Variants in AUTS2 observed in about 807,000 individuals in gnomAD.
AUTS2 encodes activator of transcription and developmental regulator AUTS2.
In AUTS2, 17 loss-of-function variants were observed where a neutral mutation model predicts 112.4. The ratio of observed to expected loss-of-function variants is 0.15; its 90% CI spans 0.10 to 0.23. The LOEUF is 0.23. AUTS2 is among the 10% of genes least tolerant of loss of function. The pLI is 1.00. For synonymous variants in AUTS2, 751 were observed against 702.7 expected, an observed-to-expected ratio of 1.07 and a Z score of -1.09; for missense variants, 1,510 against 1,701.6, an observed-to-expected ratio of 0.89 and a Z score of 1.98.
At chr7:70,458,589 A>G (rs1472849838) in intron 5 of AUTS2, among the ~76,000 whole-genome samples, 1 of 151,858 alleles carries the variant, frequency 6.6e-6, no homozygotes, top group East Asian at 1.9e-4. Flanking sequence ...TCTTTTTTTG[A>G]TCCTTAAACA....
chr7:70,065,882 G>GT (rs1311643298), intron 2 of AUTS2, among the ~76,000 whole-genome samples: 2 of 151,828 alleles, frequency 1.3e-5, no homozygotes, highest in African/African-American at 2.4e-5. Context: ...TTTAATAACA[G>GT]TTTTTTTTAG....
intron 1 of AUTS2, among the ~76,000 whole-genome samples, chr7:69,878,442 A>G (rs1404974327): frequency 6.6e-6 from 1 of 152,196 alleles, no homozygotes; most frequent in African/African-American, 2.4e-5. Context: ...TCCAGGGTCA[A>G]AGCTAATCTT....
intron 2 of AUTS2, among the ~76,000 whole-genome samples, chr7:70,113,195 A>G (rs1450754544): frequency 6.6e-6 from 1 of 152,104 alleles, no homozygotes. Flanking sequence ...GATACAATAT[A>G]GTTTTCTTTT....
intron 1 of AUTS2, among the ~76,000 whole-genome samples, chr7:69,894,528 G>A (rs1381091801): frequency 4.6e-5 from 7 of 152,058 alleles, no homozygotes; most frequent in East Asian, 1.9e-4. Context: ...CAGAGTGGCC[G>A]TTGTGGAAAA....
At chr7:69,902,729 C>A (rs920447241) in intron 2 of AUTS2, among the ~76,000 whole-genome samples, 3 of 152,112 alleles carry the variant, frequency 2.0e-5, no homozygotes, top group African/African-American at 7.2e-5. Context: ...ATGTATAGTT[C>A]TAAAACCAAA....
At chr7:70,043,839 T>C (rs1319090310) in intron 2 of AUTS2, among the ~76,000 whole-genome samples, 1 of 151,892 alleles carries the variant, frequency 6.6e-6, no homozygotes, top group East Asian at 1.9e-4. Context: ...GGACTCCCGA[T>C]CTCAGGTGAT....
At chr7:70,522,922 T>A (rs997441387) in intron 5 of AUTS2, among the ~76,000 whole-genome samples, 1 of 152,198 alleles carries the variant, frequency 6.6e-6, no homozygotes, top group African/African-American at 2.4e-5. Context: ...TTGCCACAAC[T>A]GAGCTTCAGA....
At chr7:70,689,632 T>C (rs1318025777) in intron 5 of AUTS2, among the ~76,000 whole-genome samples, 3 of 151,712 alleles carry the variant, frequency 2.0e-5, no homozygotes, top group African/African-American at 7.3e-5. Context: ...AAAAATTAGC[T>C]GGGCATGGTG....
chr7:70,719,622 C>T (rs1259568567), intron 6 of AUTS2, among the ~76,000 whole-genome samples: 1 of 152,070 alleles, frequency 6.6e-6, no homozygotes, highest in African/African-American at 2.4e-5. Flanking sequence ...TGCCACCATG[C>T]CCAGCTAATT....
At chr7:70,644,310 T>C (rs1744616816) in intron 5 of AUTS2, among the ~76,000 whole-genome samples, 1 of 151,174 alleles carries the variant, frequency 6.6e-6, no homozygotes, top group Non-Finnish European at 1.5e-5. Flanking sequence ...GGAGAGGGAG[T>C]CGTCAGGGAA....
chr7:69,994,884 C>G (rs554511462), intron 2 of AUTS2, among the ~76,000 whole-genome samples: 1 of 152,068 alleles, frequency 6.6e-6, no homozygotes, highest in Non-Finnish European at 1.5e-5. Flanking sequence ...TAGAAAAGAT[C>G]CATTGTTTGG....
chr7:69,746,419 A>T (rs1787498914), intron 1 of AUTS2, among the ~76,000 whole-genome samples: 1 of 152,160 alleles, frequency 6.6e-6, no homozygotes, highest in Non-Finnish European at 1.5e-5. Context: ...TGATGGTGAT[A>T]CATTCTGTGG....
chr7:70,647,618 C>T (rs1445437259), intron 5 of AUTS2, among the ~76,000 whole-genome samples: 1 of 152,182 alleles, frequency 6.6e-6, no homozygotes, highest in African/African-American at 2.4e-5. Flanking sequence ...TGGGTCACAC[C>T]CTGGCTCGTC....
At chr7:70,754,556 A>G (rs1329403689) in intron 6 of AUTS2, among the ~76,000 whole-genome samples, 2 of 152,200 alleles carry the variant, frequency 1.3e-5, no homozygotes, top group Non-Finnish European at 2.9e-5. Flanking sequence ...CAGAAATTTG[A>G]TATTTCCATA....
chr7:70,390,901 A>G (rs577497725), intron 4 of AUTS2, among the ~76,000 whole-genome samples: 1 of 152,288 alleles, frequency 6.6e-6, no homozygotes, highest in South Asian at 2.1e-4. Flanking sequence ...GCTCTTTCCT[A>G]CTTCAAGGAG....
At chr7:70,418,075 CTG>C (rs34869843) in intron 4 of AUTS2, among the ~76,000 whole-genome samples, 4,849 of 136,186 alleles carry the variant, frequency 0.036, 100 homozygotes, top group Non-Finnish European at 0.041. Context: ...GGCTAACTTT[CTG>C]TGTGTGTGTG....
intron 2 of AUTS2, among the ~76,000 whole-genome samples, chr7:70,040,805 C>T (rs964599899): frequency 6.6e-6 from 1 of 152,182 alleles, no homozygotes; most frequent in Non-Finnish European, 1.5e-5. Flanking sequence ...GCAGGTTACC[C>T]TGGGGCGCCA....
chr7:70,046,336 C>T (rs1801502527), intron 2 of AUTS2, among the ~76,000 whole-genome samples: 1 of 152,154 alleles, frequency 6.6e-6, no homozygotes, highest in African/African-American at 2.4e-5. Flanking sequence ...AAAATGGATA[C>T]ACCTTAATAT....
At chr7:70,083,731 G>A (rs1026657426) in intron 2 of AUTS2, among the ~76,000 whole-genome samples, 1 of 152,088 alleles carries the variant, frequency 6.6e-6, no homozygotes, top group Non-Finnish European at 1.5e-5. Context: ...AGAATCACTT[G>A]AGCCCAGAAG....
Sources: allele counts gnomAD v4.1 joint callset (sites outside exome capture counted in the v4.1 genomes callset), GRCh38; gene constraint gnomAD v4.1.1; transcripts MANE v1.5; gene names NCBI Gene and HGNC (gene_info 2026-07-23, HGNC 2026-07-21).